NR2C1: variants seen among roughly 807,000 people sequenced by gnomAD.
The protein encoded by NR2C1 is TR2 nuclear hormone receptor.
In NR2C1, 33 loss-of-function variants were observed where a neutral mutation model predicts 74.8. The observed-to-expected ratio is 0.44, with a 90% CI of 0.33 to 0.59. NR2C1 has a LOEUF of 0.59. Among genes scored for constraint, NR2C1 ranks in the 20% least tolerant of loss-of-function variants. NR2C1 has a pLI of 0.02. For missense variants in NR2C1, 568 were observed against 715.6 expected, an observed-to-expected ratio of 0.79 and a Z score of 2.35; for synonymous variants, 225 against 240.6, an observed-to-expected ratio of 0.94 and a Z score of 0.60.
In NR2C1 at chr12:95,058,419, T is replaced by C. The variant is rs750210614; in HGVS notation, c.435A>G (p.Leu145=). The C allele has an allele frequency of 6.2e-7, 1 of 1,613,754 alleles. No individual in the cohort carries two copies. The highest frequency in any genetic ancestry group is 8.5e-7 in the Non-Finnish European group (1 of 1,179,832). The change falls in exon 5 of 14, where the codon TTA becomes TTG. Residue 145 remains leucine (L), a synonymous_variant. Transcript: ENST00000333003. ...CCTTTGATCCTCGACATGAATATACTAAATTTTTTCGGATGCTTCTTTTAA... is the reference window on the plus strand; with the variant it reads ...CCTTTGATCCTCGACATGAATATACCAAATTTTTTCGGATGCTTCTTTTAA... ...GFFKRSIRKN[L]VYSCRGSKDC...
chr12:95,034,191 T>C (rs1870523616), intron 10 of NR2C1, among the ~76,000 whole-genome samples: 1 of 152,202 alleles, frequency 6.6e-6, no homozygotes, highest in South Asian at 2.1e-4. Context: ...GCAAGTTTTT[T>C]TTTCTGAGAA....
rs888780957 is a variant in NR2C1 at position 95,073,582 on chromosome 12, C to A, written c.-210G>T. 6.6e-6 allele frequency: 1 copy of A among 152,236 alleles called. No homozygotes were observed. Among genetic ancestry groups the A allele is most frequent in the South Asian group, 2.1e-4 (1 of 4,832 alleles). 9.4% of individuals were successfully genotyped at this position (152,236 alleles called of 1,614,324 possible). ...GTTCGTGACCTCTTTCTCGGCTCGGCGGCGCGCTATCCCGCCAGCGCCTGC... is the reference window on the plus strand; with the variant it reads ...GTTCGTGACCTCTTTCTCGGCTCGGAGGCGCGCTATCCCGCCAGCGCCTGC... On this transcript the variant is annotated 5_prime_UTR_variant, in exon 1 of 14. Transcript: ENST00000333003.
intron 9 of NR2C1, among the ~76,000 whole-genome samples, chr12:95,047,313 T>C (rs923585816): frequency 1.1e-4 from 16 of 152,224 alleles, no homozygotes; most frequent in South Asian, 4.1e-4. Flanking sequence ...AGAATGATAC[T>C]GATTATTCCA....
chr12:95,072,040 G>A (rs1014726230), intron 1 of NR2C1, among the ~76,000 whole-genome samples: 3 of 150,874 alleles, frequency 2.0e-5, no homozygotes, highest in African/African-American at 7.3e-5. Flanking sequence ...GAGCCACCGC[G>A]CCCAGCCGCG....
intron 2 of NR2C1, among the ~76,000 whole-genome samples, chr12:95,063,746 T>C (rs187782283): frequency 6.6e-6 from 1 of 150,902 alleles, no homozygotes; most frequent in African/African-American, 2.4e-5. Flanking sequence ...TGTTCAAGAG[T>C]AGGCCGGGTG....
At chr12:95,024,271 G>T (rs1869092285) in intron 13 of NR2C1, among the ~76,000 whole-genome samples, 1 of 152,026 alleles carries the variant, frequency 6.6e-6, no homozygotes, top group African/African-American at 2.4e-5. Context: ...TGTATGACAG[G>T]CACAGTCCTA....
chr12:95,057,656 A>T lies in NR2C1; in HGVS notation c.693-13T>A. ...CAGTCCTGTTGACCTGTAACAAATC[A>T]GCACAAATTTTGGCCTGAGTTTCAT... On this transcript the variant is annotated splice_polypyrimidine_tract_variant and intron_variant, in intron 6 of 13. Transcript: ENST00000333003. 1 of 1,613,104 alleles carries T rather than the reference A, an allele frequency of 6.2e-7. No individual in the cohort carries two copies. The highest frequency in any genetic ancestry group is 1.1e-5 in the South Asian group (1 of 90,762).
chr12:95,034,205 TTAA>T (rs1870527633), intron 10 of NR2C1, among the ~76,000 whole-genome samples: 2 of 152,256 alleles, frequency 1.3e-5, no homozygotes, highest in South Asian at 4.1e-4. Context: ...CTGAGAATTA[TTAA>T]TGTGAAATTT....
chr12:95,036,141 T>C (rs1423542403), intron 10 of NR2C1, among the ~76,000 whole-genome samples: 2 of 152,204 alleles, frequency 1.3e-5, no homozygotes, highest in African/African-American at 4.8e-5. Context: ...GCTACCAGTT[T>C]TTCCTGTTAG....
intron 7 of NR2C1, 145 bp downstream of exon 7, chr12:95,057,408 C>T (rs1874080295): frequency 1.7e-6 from 1 of 605,218 alleles, no homozygotes; most frequent in Non-Finnish European, 2.7e-6. Context: ...CCCAGCCGAA[C>T]ATTTCTAATT....
Position 95,049,173 on chromosome 12 carries a change from T to TCG in NR2C1, c.1025_1026insCG (p.Val343GlufsTer2). 1 of 1,614,174 alleles carries TCG rather than the reference T, an allele frequency of 6.2e-7. No homozygotes were observed. The highest frequency in any genetic ancestry group is 8.5e-7 in the Non-Finnish European group (1 of 1,179,996). On this transcript the variant is annotated frameshift_variant, in exon 9 of 14. Coordinates refer to ENST00000333003, the MANE Select transcript of NR2C1 (RefSeq NM_003297.4). LOFTEE classifies it high-confidence loss of function. ...GTACACTTCCTTCCATGCCCGCTAC[T>TCG]GAGCTCTGGCAGGCTGTGCTCTCTC...
In NR2C1 at chr12:95,049,208, A is replaced by G. The variant is rs776723548; in HGVS notation, c.991T>C (p.Leu331=). The part of the protein sequence containing the change: ...SRAFDTLAKA[L]NPGESTACQS... ...CAGGCTGTGCTCTCTCCAGGATTCA[A>G]TGCTTTTGCAAGAGTGTCAAATGCC... The change falls in exon 9 of 14, where the codon TTG becomes CTG. Residue 331 remains leucine, a synonymous_variant. Coordinates refer to ENST00000333003, the MANE Select transcript of NR2C1 (RefSeq NM_003297.4). 1.5e-5 allele frequency: 24 copies of G among 1,613,928 alleles called. No individual in the cohort carries two copies. The highest frequency in any genetic ancestry group is 1.6e-4 in the Middle Eastern group (1 of 6,084).
At chr12:95,023,421 G>A (rs1044258337) in intron 13 of NR2C1, among the ~76,000 whole-genome samples, 6 of 152,180 alleles carry the variant, frequency 3.9e-5, no homozygotes, top group Non-Finnish European at 8.8e-5. Context: ...ACTCATTTCA[G>A]GTTTTAAAAA....
At chr12:95,061,869 G>C (rs1211826199) in intron 3 of NR2C1, among the ~76,000 whole-genome samples, 1 of 152,194 alleles carries the variant, frequency 6.6e-6, no homozygotes, top group African/African-American at 2.4e-5. Context: ...AGAATAATGT[G>C]TAATTTTCTA....
chr12:95,031,152 T>C (rs140610067), intron 11 of NR2C1, among the ~76,000 whole-genome samples, 197 bp downstream of exon 11: 2,060 of 152,308 alleles, frequency 0.014, 56 homozygotes, highest in African/African-American at 0.045. Flanking sequence ...GTTTTCAATT[T>C]TGTTGCACTC....
chr12:95,030,351 A>T, intron 11 of NR2C1: 1 of 803,530 alleles, frequency 1.2e-6, no homozygotes, highest in Non-Finnish European at 1.7e-6. Flanking sequence ...CAAGACTACT[A>T]TAATAAAAAC....
At chr12:95,047,992 A>C (rs1232284303) in intron 9 of NR2C1, among the ~76,000 whole-genome samples, 2 of 152,280 alleles carry the variant, frequency 1.3e-5, no homozygotes, top group African/African-American at 4.8e-5. Flanking sequence ...GAACAAAATA[A>C]ATTATAAATG....
intron 11 of NR2C1, chr12:95,030,911 G>C: frequency 6.7e-7 from 1 of 1,481,492 alleles, no homozygotes; most frequent in East Asian, 2.3e-5. Flanking sequence ...GATTGTTCCT[G>C]ACTCTTCAGA....
intron 10 of NR2C1, among the ~76,000 whole-genome samples, chr12:95,034,914 T>C (rs1448339103): frequency 2.0e-5 from 3 of 152,162 alleles, no homozygotes; most frequent in Non-Finnish European, 4.4e-5. Flanking sequence ...ATAGCCATCA[T>C]TAAATGGGCA....
Sources: gnomAD v4.1 joint callset for allele counts (sites outside exome capture counted in the v4.1 genomes callset) on GRCh38, gnomAD v4.1.1 for gene constraint, MANE v1.5 for transcripts, NCBI Gene and HGNC (gene_info 2026-07-23, HGNC 2026-07-21) for gene names.